Variants in PDE8B observed in about 807,000 individuals in gnomAD.
The protein encoded by PDE8B is high affinity cAMP-specific and IBMX-insensitive 3',5'-cyclic phosphodiesterase 8B.
Under a neutral mutation model 101.3 loss-of-function variants are expected in PDE8B, and 26 were observed. The ratio of observed to expected loss-of-function variants is 0.26; its 90% confidence interval spans 0.19 to 0.36. PDE8B has a LOEUF of 0.36. Ranked by LOEUF, PDE8B falls within the 10% of genes least tolerant of loss-of-function variation. PDE8B has a pLI of 1.00. For missense variants in PDE8B, 810 were observed against 1,163.1 expected (o/e 0.70, Z 4.42); for synonymous variants, 424 against 429.3 (o/e 0.99, Z 0.15).
intron 10 of PDE8B, among the ~76,000 whole-genome samples, chr5:77,398,745 C>T (rs1474140934): frequency 6.6e-6 from 1 of 152,246 alleles, no homozygotes; most frequent in East Asian, 1.9e-4. Flanking sequence ...CACCGTCACT[C>T]TAAACCCGCT....
intron 1 of PDE8B, chr5:77,246,978 G>T (rs925722598): frequency 1.3e-5 from 2 of 152,138 alleles, no homozygotes; most frequent in Admixed American, 1.3e-4. Context: ...AGTGATAATC[G>T]TAGTTCCTAC....
chr5:77,313,124 T>TGCCC (rs1773051396), intron 2 of PDE8B, among the ~76,000 whole-genome samples: 4 of 152,224 alleles, frequency 2.6e-5, no homozygotes, highest in Admixed American at 2.6e-4. Flanking sequence ...CCTGGAATCT[T>TGCCC]GCCCTGTACT....
At chr5:77,239,900 GGAAC>G (rs1755404138) in intron 1 of PDE8B, among the ~76,000 whole-genome samples, 1 of 151,896 alleles carries the variant, frequency 6.6e-6, no homozygotes, top group Admixed American at 6.6e-5. Context: ...TTATCCCCTG[GGAAC>G]ACAATGTTTT....
the PDE8B span, chr5:77,165,307 A>G: frequency 6.6e-6 from 1 of 152,254 alleles, no homozygotes; most frequent in African/African-American, 2.4e-5. Context: ...TAATTTTTAA[A>G]AATGACAGTG....
chr5:77,144,187 C>G, the PDE8B span: 2 of 152,274 alleles, frequency 1.3e-5, no homozygotes, highest in Non-Finnish European at 2.9e-5. Flanking sequence ...ATCTCAGGCA[C>G]TGGGTCCAGG....
At chr5:77,215,822 A>G (rs898581719) in intron 1 of PDE8B, among the ~76,000 whole-genome samples, 5 of 152,230 alleles carry the variant, frequency 3.3e-5, no homozygotes, top group African/African-American at 9.6e-5. Context: ...TTGTTCAACC[A>G]GCAAAGTTGG....
the PDE8B span, among the ~76,000 whole-genome samples, chr5:77,102,823 T>G: frequency 4.6e-5 from 7 of 152,298 alleles, no homozygotes; most frequent in Non-Finnish European, 8.8e-5. Context: ...CCTGCGGTGC[T>G]CTCTTTCTTT....
chr5:77,148,751 A>G, the PDE8B span, among the ~76,000 whole-genome samples: 1 of 152,226 alleles, frequency 6.6e-6, no homozygotes, highest in African/African-American at 2.4e-5. Context: ...CAGTTGTAAG[A>G]GTTTTTTCTT....
At chr5:77,168,826 T>C in the PDE8B span, among the ~76,000 whole-genome samples, 1 of 152,192 alleles carries the variant, frequency 6.6e-6, no homozygotes, top group African/African-American at 2.4e-5. Context: ...AAGCTCCACC[T>C]CGTCCCTGCA....
intron 1 of PDE8B, among the ~76,000 whole-genome samples, chr5:77,269,845 G>A (rs527468374): frequency 1.3e-5 from 2 of 152,224 alleles, no homozygotes; most frequent in African/African-American, 2.4e-5. Flanking sequence ...CCGTTTTTAT[G>A]CCAGTACCAT....
intron 10 of PDE8B, among the ~76,000 whole-genome samples, chr5:77,357,810 T>C (rs1782375310): frequency 6.6e-6 from 1 of 152,210 alleles, no homozygotes; most frequent in Non-Finnish European, 1.5e-5. Flanking sequence ...TTGCCTTCTC[T>C]CTTTTATCCA....
chr5:77,097,720 T>TCTATATATATATAGATATATATATATAG, the PDE8B span, among the ~76,000 whole-genome samples: 1 of 41,886 alleles, frequency 2.4e-5, no homozygotes, highest in Non-Finnish European at 7.0e-5. Context: ...TATATATATA[T>TCTATATATATATAGATATATATATATAG]ATATATATAT....
At chr5:77,354,604 A>G (rs1360833076) in intron 10 of PDE8B, among the ~76,000 whole-genome samples, 1 of 152,186 alleles carries the variant, frequency 6.6e-6, no homozygotes, top group African/African-American at 2.4e-5. Flanking sequence ...ACTTCTGAAC[A>G]CAAGCAGTGC....
chr5:77,335,532 GGTGTGTGTGTGTGTGTGT>G (rs35776739), intron 5 of PDE8B, among the ~76,000 whole-genome samples: 4 of 145,572 alleles, frequency 2.7e-5, no homozygotes, highest in African/African-American at 1.0e-4. Context: ...GTATATGTGG[GGTGTGTGTGTGTGTGTGT>G]GTGTGTGTGT....
chr5:77,178,985 G>A, the PDE8B span, among the ~76,000 whole-genome samples: 1 of 152,184 alleles, frequency 6.6e-6, no homozygotes, highest in African/African-American at 2.4e-5. Context: ...GTGTCATTTG[G>A]TCACCTTTGC....
chr5:77,370,326 A>C (rs1286815548), intron 10 of PDE8B, among the ~76,000 whole-genome samples: 1 of 152,220 alleles, frequency 6.6e-6, no homozygotes, highest in Non-Finnish European at 1.5e-5. Flanking sequence ...TCTGTCCCCC[A>C]GTCCTCAGAA....
At chr5:77,184,419 G>A in the PDE8B span, among the ~76,000 whole-genome samples, 14 of 152,264 alleles carry the variant, frequency 9.2e-5, no homozygotes, top group African/African-American at 3.1e-4. Flanking sequence ...ATAAACTATG[G>A]ATGGTAGGAC....
intron 1 of PDE8B, among the ~76,000 whole-genome samples, chr5:77,308,407 G>A (rs1282663040): frequency 6.6e-6 from 1 of 152,158 alleles, no homozygotes; most frequent in Non-Finnish European, 1.5e-5. Context: ...GGAGGAGAGA[G>A]GCAAAGGATG....
the PDE8B span, chr5:77,134,481 C>T: frequency 6.6e-6 from 1 of 152,316 alleles, no homozygotes; most frequent in South Asian, 2.1e-4. Context: ...GCAAGTGTCC[C>T]ATTGAACTAT....
Sources: allele counts gnomAD v4.1 joint callset (sites outside exome capture counted in the v4.1 genomes callset), GRCh38; gene constraint gnomAD v4.1.1; transcripts MANE v1.5; gene names NCBI Gene and HGNC (gene_info 2026-07-23, HGNC 2026-07-21).